Variants in VAV2 observed in about 807,000 individuals in gnomAD.
VAV2 encodes vav guanine nucleotide exchange factor 2.
Under a neutral mutation model 132.5 loss-of-function variants are expected in VAV2, and 67 were observed. The observed-to-expected ratio is 0.51, with a 90% CI of 0.42 to 0.62. VAV2 has a LOEUF of 0.62. Ranked by LOEUF, VAV2 falls within the 20% of genes least tolerant of loss-of-function variation. The probability of loss-of-function intolerance (pLI) is 0.00; values close to 1 mark genes in which losing one functional copy is unlikely to be tolerated. For missense variants in VAV2, 938 were observed against 1,153.6 expected, an observed-to-expected ratio of 0.81 and a Z score of 2.71; for synonymous variants, 492 against 443.5, an observed-to-expected ratio of 1.11 and a Z score of -1.37.
At chr9:133,888,272 G>A (rs1021801333) in intron 2 of VAV2, among the ~76,000 whole-genome samples, 1 of 152,234 alleles carries the variant, frequency 6.6e-6, no homozygotes, top group Non-Finnish European at 1.5e-5. Flanking sequence ...TTCGGGAGAC[G>A]GACGGTGGTG....
chr9:133,829,834 A>AT (rs935199507), intron 4 of VAV2, among the ~76,000 whole-genome samples: 3 of 152,034 alleles, frequency 2.0e-5, no homozygotes, highest in African/African-American at 7.2e-5. Context: ...GTCCCTTCTT[A>AT]TTTTTTGACG....
intron 1 of VAV2, among the ~76,000 whole-genome samples, chr9:133,965,032 G>A (rs956780365): frequency 6.6e-6 from 1 of 152,130 alleles, no homozygotes; most frequent in Admixed American, 6.5e-5. Context: ...AAGTCAAACT[G>A]TCCCTGTTTG....
intron 2 of VAV2, among the ~76,000 whole-genome samples, chr9:133,865,458 T>C (rs1331889869): frequency 2.0e-5 from 3 of 152,242 alleles, no homozygotes; most frequent in Non-Finnish European, 4.4e-5. Flanking sequence ...GTCTTCTGAT[T>C]CATTAATTCT....
intron 19 of VAV2, among the ~76,000 whole-genome samples, chr9:133,783,246 C>A (rs1412787725): frequency 6.6e-6 from 1 of 152,046 alleles, no homozygotes; most frequent in Non-Finnish European, 1.5e-5. Context: ...GCAGGGGATG[C>A]AGGAGATGGG....
rs1834330488 is a variant in VAV2, at chr9:133,788,624, G to A, written c.1275-138C>T. On this transcript the variant is annotated intron_variant, in intron 14 of 29. Coordinates refer to ENST00000371850, the MANE Select transcript of VAV2 (RefSeq NM_001134398.2). This position sits in a 1 kb window ranked among gnomAD's most constrained non-coding sequence, Gnocchi z 5.3. ...GCCCTGCCCTCACCTGGCTCACCAG[G>A]CTAATGCTGAGCCTCGGTCAGGTCT... 1 of 1,255,222 alleles carries A rather than the reference G, an allele frequency of 8.0e-7. No homozygotes were observed. Among genetic ancestry groups the A allele is most frequent in the Non-Finnish European group, 1.1e-6 (1 of 921,396 alleles). 77.8% of individuals were successfully genotyped at this position (1,255,222 alleles called of 1,614,324 possible).
chr9:133,981,881 G>A (rs77405037), intron 1 of VAV2, among the ~76,000 whole-genome samples: 7,099 of 152,346 alleles, frequency 0.047, 211 homozygotes, highest in African/African-American at 0.072. Context: ...CCCCAAGGGC[G>A]GGGGTGGGGG....
In VAV2 at chr9:133,834,402, C is replaced by A. The variant is rs1836382945; in HGVS notation, c.381-62G>T. On this transcript the variant is annotated intron_variant, in intron 3 of 29. Coordinates refer to ENST00000371850, the MANE Select transcript of VAV2 (RefSeq NM_001134398.2). This position sits in a 1 kb window ranked among gnomAD's most constrained non-coding sequence, Gnocchi z 5.9. Reference sequence around the variant, plus strand: ...CCGGCACTGCCGGCCAGTGGGACCCCAGCTGGACCCCACAGCAGAGCCCAG... The same window carrying A: ...CCGGCACTGCCGGCCAGTGGGACCCAAGCTGGACCCCACAGCAGAGCCCAG... The A allele has an allele frequency of 1.3e-6, 2 of 1,551,466 alleles. No homozygotes were observed. Among genetic ancestry groups the A allele is most frequent in the Admixed American group, 3.6e-5 (2 of 55,060 alleles).
At chr9:133,801,551 A>T (rs1363593946) in intron 9 of VAV2, among the ~76,000 whole-genome samples, 1 of 152,206 alleles carries the variant, frequency 6.6e-6, no homozygotes, top group Non-Finnish European at 1.5e-5. Context: ...GGGGCAGAGC[A>T]GATGCCAGCA....
In VAV2 at chr9:133,985,226, TTGTGTGTGTGTGTGTGTG is replaced by T. The variant is rs59748267; in HGVS notation, c.204+6831_204+6848del. Among the ~76,000 whole-genome samples, 139 of 137,244 alleles carry T rather than the reference TTGTGTGTGTGTGTGTGTG, an allele frequency of 1.0e-3. 1 individual carries two copies. The highest frequency in any genetic ancestry group is 1.4e-3 in the Non-Finnish European group (92 of 63,766). The allele number at this position is 137,244 out of a possible 152,430, so 90.0% of individuals were successfully genotyped here. A position where few individuals can be genotyped will look rare whatever the true frequency, so the allele number is the denominator to read the frequency against. On this transcript the variant is annotated intron_variant, in intron 1 of 29. Coordinates refer to ENST00000371850, the MANE Select transcript of VAV2 (RefSeq NM_001134398.2). ...GCACACCTCATCCTATCTTGCCTTA[TTGTGTGTGTGTGTGTGTG>T]TGTGTGTGTGTGTGTGTGTGTGTGT...
At chr9:133,789,482 T>A in intron 13 of VAV2, 139 bp from the exon 14 acceptor site, 2 of 756,888 alleles carry the variant, frequency 2.6e-6, no homozygotes, top group Non-Finnish European at 4.4e-6. Context: ...ACAGCCCCTG[T>A]GGCTCCCAGC....
intron 1 of VAV2, among the ~76,000 whole-genome samples, chr9:133,962,526 G>A (rs60974297): frequency 0.047 from 7,112 of 152,164 alleles, 388 homozygotes; most frequent in African/African-American, 0.14. Flanking sequence ...GGGCACCTGG[G>A]CTGCTGCGGG....
At chr9:133,811,050 C>A (rs1253777285) in intron 5 of VAV2, among the ~76,000 whole-genome samples, 1 of 152,250 alleles carries the variant, frequency 6.6e-6, no homozygotes, top group Non-Finnish European at 1.5e-5. Context: ...ATGGCTCAGT[C>A]TTCCAGCCCT....
intron 2 of VAV2, among the ~76,000 whole-genome samples, chr9:133,904,109 A>C (rs13291107): frequency 0.4 from 60,355 of 151,878 alleles, 12,028 homozygotes; most frequent in African/African-American, 0.42. Flanking sequence ...TATCCGGGTA[A>C]ATTCTGTGCC....
At chr9:133,939,389 C>A (rs141507812) in intron 1 of VAV2, 170 bp from the exon 2 acceptor site, 20 of 666,520 alleles carry the variant, frequency 3.0e-5, no homozygotes, top group Middle Eastern at 5.0e-4. Flanking sequence ...CGAAACCCCC[C>A]GTCCCAAGGC....
At chr9:133,956,558 G>A (rs947730116) in intron 1 of VAV2, among the ~76,000 whole-genome samples, 1 of 152,194 alleles carries the variant, frequency 6.6e-6, no homozygotes, top group African/African-American at 2.4e-5. Flanking sequence ...AGGGAGGAGG[G>A]AGTCCTGGGA....
chr9:133,774,829 C>T lies in VAV2; in HGVS notation c.2135+106G>A. Reference sequence around the variant, plus strand: ...AATGTCCTCACTTGGCAACAGATGACATGTCCACCCCAACCCCACGAGCTC... The same window carrying T: ...AATGTCCTCACTTGGCAACAGATGATATGTCCACCCCAACCCCACGAGCTC... On this transcript the variant is annotated intron_variant, in intron 25 of 29. Coordinates refer to ENST00000371850, the MANE Select transcript of VAV2 (RefSeq NM_001134398.2). 7 of 998,958 alleles carry T rather than the reference C, an allele frequency of 7.0e-6. No individual in the cohort carries two copies. The East Asian group carries it at 1.7e-4, about 24-fold the overall frequency. The allele number at this position is 998,958 out of a possible 1,614,324, so 61.9% of individuals were successfully genotyped here. A position where few individuals can be genotyped will look rare whatever the true frequency, so the allele number is the denominator to read the frequency against.
intron 3 of VAV2, among the ~76,000 whole-genome samples, chr9:133,846,017 G>A (rs1412733079): frequency 6.6e-6 from 1 of 152,206 alleles, no homozygotes; most frequent in African/African-American, 2.4e-5. Flanking sequence ...GGCACAGTGG[G>A]GCCCCAATCT....
At chr9:133,787,294 C>A in intron 15 of VAV2, 34 bp from the exon 16 acceptor site, 1 of 1,565,164 alleles carries the variant, frequency 6.4e-7, no homozygotes, top group Non-Finnish European at 8.7e-7. Flanking sequence ...AAGGGGAAGA[C>A]GGTCAGTGAG....
chr9:133,828,841 A>G (rs1836153693), intron 4 of VAV2, among the ~76,000 whole-genome samples: 2 of 152,108 alleles, frequency 1.3e-5, no homozygotes, highest in Admixed American at 1.3e-4. Flanking sequence ...CTCGCCTTCC[A>G]CACCCTGCAC....
Sources: gnomAD v4.1 joint callset for allele counts (sites outside exome capture counted in the v4.1 genomes callset) on GRCh38, gnomAD v4.1.1 for gene constraint, Gnocchi (gnomAD v3.1) non-coding constraint, MANE v1.5 for transcripts, NCBI Gene and HGNC (gene_info 2026-07-23, HGNC 2026-07-21) for gene names.